HEATR4: variants seen among roughly 807,000 people sequenced by gnomAD.
The protein encoded by HEATR4 is HEAT repeat containing 4.
Under a neutral mutation model 108.8 loss-of-function variants are expected in HEATR4, and 95 were observed. The observed-to-expected ratio is 0.87, with a 90% CI of 0.74 to 1.04. The LOEUF (loss-of-function observed/expected upper bound fraction) is 1.04, where lower values mean the gene tolerates loss of function less well. Ranked by LOEUF, HEATR4 falls within the 50% of genes least tolerant of loss-of-function variation. The pLI is 0.00. For missense variants in HEATR4, 1,152 were observed against 1,253.8 expected, an observed-to-expected ratio of 0.92 and a Z score of 1.23; for synonymous variants, 443 against 459.4, an observed-to-expected ratio of 0.96 and a Z score of 0.46.
the HEATR4 span, chr14:73,591,846 C>A: frequency 9.3e-7 from 1 of 1,069,638 alleles, no homozygotes; most frequent in Non-Finnish European, 1.2e-6. Flanking sequence ...GCTCAGCCAC[C>A]GGCAGCTTCC....
chr14:73,616,887 TC>T, the HEATR4 span: 1 of 577,260 alleles, frequency 1.7e-6, no homozygotes, highest in Non-Finnish European at 3.1e-6. Context: ...TTTTGTTCTT[TC>T]TCTGCCAATC....
At chr14:73,612,826 G>T in the HEATR4 span, 1 of 1,422,026 alleles carries the variant, frequency 7.0e-7, no homozygotes, top group Non-Finnish European at 9.3e-7. Context: ...GGGCGTTGGA[G>T]CCCGAGAAAG....
intron 17 of HEATR4, among the ~76,000 whole-genome samples, chr14:73,483,120 C>T (rs1211053141): frequency 6.6e-6 from 1 of 152,116 alleles, no homozygotes; most frequent in East Asian, 1.9e-4. Context: ...ATCTATAAGA[C>T]TAAATACAAC....
In HEATR4 at chr14:73,493,018, T is replaced by G. The variant is rs1432232980; in HGVS notation, c.2844+48A>C. 3 of 1,315,068 alleles carry G rather than the reference T, an allele frequency of 2.3e-6. No individual in the cohort carries two copies. In the Admixed American group the frequency reaches 6.1e-5, roughly 27 times the overall value. The allele number at this position is 1,315,068 out of a possible 1,614,324, so 81.5% of individuals were successfully genotyped here. ...TGCTACCTTTTTTTTTTTTTTTTCC[T>G]TAAACTCACGTTCTTACCTTGATAA... On this transcript the variant is annotated intron_variant, in intron 17 of 17. Transcript: ENST00000553558.
At chr14:73,564,179 T>A in the HEATR4 span, among the ~76,000 whole-genome samples, 1 of 150,758 alleles carries the variant, frequency 6.6e-6, no homozygotes, top group African/African-American at 2.4e-5. Context: ...GTGACTGTAA[T>A]CCCAGCTACT....
At chr14:73,558,253 A>G (rs1295392236) in intron 1 of HEATR4, among the ~76,000 whole-genome samples, 1 of 136,050 alleles carries the variant, frequency 7.4e-6, no homozygotes, top group Non-Finnish European at 1.6e-5. Context: ...AGTTCCCCTC[A>G]TTTTTTCCCC....
At position 73,492,691 on chromosome 14, in the gene HEATR4, G is replaced by T. The variant is rs1455361201; in HGVS notation, c.2844+375C>A. On this transcript the variant is annotated intron_variant, in intron 17 of 17. Coordinates refer to ENST00000553558, the MANE Select transcript of HEATR4 (RefSeq NM_001220484.1). The surrounding 1 kb of genome is among the most constrained non-coding windows in gnomAD (Gnocchi z 4.9). ...TGCTTCAGGATGGGATAGCTCGGCT[G>T]GTGGGTGAGGGGGGCCATTTGTTTC... The T allele has an allele frequency of 6.2e-7, 1 of 1,614,006 alleles. No individual in the cohort carries two copies. Among genetic ancestry groups the T allele is most frequent in the East Asian group, 2.2e-5 (1 of 44,884 alleles).
At chr14:73,620,926 C>A in the HEATR4 span, among the ~76,000 whole-genome samples, 4 of 151,406 alleles carry the variant, frequency 2.6e-5, no homozygotes, top group African/African-American at 9.7e-5. Flanking sequence ...CTCCCTGGGC[C>A]GGGCACGGTG....
the HEATR4 span, among the ~76,000 whole-genome samples, chr14:73,597,315 A>G: frequency 6.6e-6 from 1 of 150,980 alleles, no homozygotes; most frequent in African/African-American, 2.4e-5. Flanking sequence ...CGATCTCCTG[A>G]CCTCGTGATC....
chr14:73,618,252 T>C, the HEATR4 span, among the ~76,000 whole-genome samples: 1 of 152,176 alleles, frequency 6.6e-6, no homozygotes, highest in Non-Finnish European at 1.5e-5. Flanking sequence ...GACATTCTAA[T>C]GTTAAGATAT....
Position 73,547,254 on chromosome 14 carries a change from G to T in HEATR4, c.-152+11497C>A, listed in dbSNP as rs1343542676. On this transcript the variant is annotated intron_variant, in intron 1 of 17. Transcript: ENST00000553558. The stretch of plus-strand genomic sequence containing the variant: ...GTATTAGCCGGGCGTGGTGCTGGGC[G>T]CCTGTAATCCCAGCTACTCCGGAGG... Among the ~76,000 whole-genome samples, 2 of 114,990 alleles carry T rather than the reference G, an allele frequency of 1.7e-5. 1 individual carries two copies. The highest frequency in any genetic ancestry group is 2.0e-4 in the Admixed American group (2 of 10,128). The allele number at this position is 114,990 out of a possible 152,430, so 75.4% of individuals were successfully genotyped here.
the HEATR4 span, among the ~76,000 whole-genome samples, chr14:73,611,984 T>A: frequency 3.3e-5 from 5 of 152,096 alleles, no homozygotes; most frequent in African/African-American, 1.2e-4. Context: ...TAGCTCTCAG[T>A]GGTTTTTGTG....
chr14:73,617,061 C>T, the HEATR4 span: 2 of 1,338,334 alleles, frequency 1.5e-6, no homozygotes, highest in Non-Finnish European at 2.1e-6. Context: ...CAGGGCCAGC[C>T]TCCTGGCCGG....
chr14:73,556,181 T>C (rs1441164116), intron 1 of HEATR4, among the ~76,000 whole-genome samples: 1 of 113,688 alleles, frequency 8.8e-6, no homozygotes, highest in Non-Finnish European at 1.9e-5. Flanking sequence ...CCCAACACTT[T>C]GGGAGGCTGA....
At chr14:73,570,885 A>G in the HEATR4 span, among the ~76,000 whole-genome samples, 1 of 140,606 alleles carries the variant, frequency 7.1e-6, no homozygotes, top group Non-Finnish European at 1.5e-5. Flanking sequence ...AGCCTGGGGG[A>G]CAAGAGTGAC....
At chr14:73,591,761 C>T in the HEATR4 span, 106 of 470,412 alleles carry the variant, frequency 2.3e-4, no homozygotes, top group African/African-American at 1.8e-3. Context: ...TGAAGAGGAG[C>T]CTGGCTACTT....
the HEATR4 span, chr14:73,569,865 A>C: frequency 8.1e-6 from 13 of 1,604,956 alleles, no homozygotes; most frequent in Non-Finnish European, 1.1e-5. Flanking sequence ...GGTGCGAGGC[A>C]CGCTCTTCCT....
upstream of HEATR4, among the ~76,000 whole-genome samples, chr14:73,559,850 A>G (rs1191306607): frequency 1.3e-5 from 2 of 152,156 alleles, no homozygotes; most frequent in African/African-American, 4.8e-5. Flanking sequence ...ACATGACCAC[A>G]TAGTTCTGGC....
the HEATR4 span, among the ~76,000 whole-genome samples, chr14:73,565,512 T>C: frequency 6.6e-6 from 1 of 151,794 alleles, no homozygotes; most frequent in Non-Finnish European, 1.5e-5. Context: ...ACTTCAAGAA[T>C]GAAGCCGTGG....
Sources: allele counts gnomAD v4.1 joint callset (sites outside exome capture counted in the v4.1 genomes callset), GRCh38; gene constraint gnomAD v4.1.1; non-coding constraint Gnocchi (gnomAD v3.1); transcripts MANE v1.5; gene names NCBI Gene and HGNC (gene_info 2026-07-23, HGNC 2026-07-21).